ARMCX4: variants seen among roughly 807,000 people sequenced by gnomAD.
ARMCX4 encodes the protein armadillo repeat-containing X-linked protein 4.
ARMCX4 carries 3 observed loss-of-function variants against 34.7 expected under a neutral mutation model. That is an observed-to-expected ratio of 0.09 (90% confidence interval 0.04 to 0.22). ARMCX4 has a LOEUF of 0.22. Ranked by LOEUF, ARMCX4 falls within the 10% of genes least tolerant of loss-of-function variation. ARMCX4 has a pLI of 1.00. For synonymous variants in ARMCX4, 513 were observed against 632.8 expected (o/e 0.81, Z 2.84); for missense variants, 1,448 against 1,720.8 (o/e 0.84, Z 2.81).
chrX:101,442,061 A>G (rs1603125478), intron 2 of ARMCX4, among the ~76,000 whole-genome samples: 1 of 112,309 alleles, frequency 8.9e-6, no homozygotes, highest in African/African-American at 3.2e-5. Flanking sequence ...ATCCAACCCT[A>G]AAAGAGGTAA....
rs1028751045 is a variant in ARMCX4 at position 101,489,281 on chromosome X, T to C, written c.692T>C (p.Val231Ala). 1 of 1,156,023 alleles carries C rather than the reference T, an allele frequency of 8.7e-7. No individual in the cohort carries two copies. The highest frequency in any genetic ancestry group is 3.2e-5 in the East Asian group (1 of 30,791). Residue 231 changes from valine (V) to alanine (A), a missense_variant, in exon 6 of 6, where the codon GTG (valine) becomes GCG (alanine). By Grantham distance (64) the Val-to-Ala change is moderately conservative. Transcript: ENST00000423738. ...KMGATNKTGI[V>A]DETKTRALEE... is the part of the protein sequence containing the mutation. ...GGGGCCACGAACAAGACTGGAATTG[T>C]GGATGAAACCAAGACAAGAGCTCTG...
At chrX:101,421,203 C>CA (rs545262345) in intron 2 of ARMCX4, among the ~76,000 whole-genome samples, 9,075 of 38,886 alleles carry the variant, frequency 0.23, 1,035 homozygotes, top group South Asian at 0.37. Flanking sequence ...AACTCTGTCT[C>CA]AAAAAAAAAA....
intron 2 of ARMCX4, among the ~76,000 whole-genome samples, chrX:101,440,138 C>T (rs782240050): frequency 5.4e-5 from 6 of 111,267 alleles, no homozygotes; most frequent in East Asian, 5.6e-4. Context: ...ATGATGGTGA[C>T]GTACAGATGG....
rs782754615 is a variant in ARMCX4, at chrX:101,494,206, G to A, written c.5617G>A (p.Val1873Ile). The change falls in exon 6 of 6, where the codon GTA becomes ATA. Residue 1873 changes from valine (V) to isoleucine (I), a missense_variant. By Grantham distance (29) the Val-to-Ile change is conservative. This residue lies in a region of ARMCX4 where 1,343 missense variants were observed against 1,540.7 expected (regional missense o/e 0.87). Coordinates refer to ENST00000423738, the MANE Select transcript of ARMCX4 (RefSeq NM_001256155.3). ...GCTTGGGGCTGGGGAAGAGGCTGGT[G>A]TAGAGTCCTGGACCTTGGCTAGGAA... ...SRLGAGEEAGVESWTLARNVG... is the reference protein window; with the variant it reads ...SRLGAGEEAGIESWTLARNVG... The A allele has an allele frequency of 1.2e-4, 139 of 1,149,623 alleles. No homozygotes were observed. The highest frequency in any genetic ancestry group is 1.2e-4 in the Non-Finnish European group (103 of 870,015). The allele number at this position is 1,149,623 out of a possible 1,213,427, so 94.7% of individuals were successfully genotyped here.
At chrX:101,533,732 C>T, downstream of ARMCX4, among the ~76,000 whole-genome samples, 1 of 111,779 alleles carries the variant, frequency 8.9e-6, no homozygotes, top group Admixed American at 9.6e-5. Flanking sequence ...TAACAAGAAG[C>T]CTTTCATGTT....
chrX:101,438,886 C>T (rs1412417357), intron 2 of ARMCX4, among the ~76,000 whole-genome samples: 1 of 111,320 alleles, frequency 9.0e-6, no homozygotes, highest in East Asian at 2.8e-4. Flanking sequence ...GATGGGTTTC[C>T]TGAATACAGC....
At chrX:101,524,215 G>T (rs782396393) in intron 11 of ARMCX4, 1 of 112,082 alleles carries the variant, frequency 8.9e-6, no homozygotes, top group African/African-American at 3.2e-5. Flanking sequence ...TTTGTTGAAA[G>T]ATATAAATTT....
Position 101,488,880 on chromosome X carries a change from C to G in ARMCX4, c.291C>G (p.His97Gln), listed in dbSNP as rs1217372164. 2.6e-6 allele frequency: 3 copies of G among 1,156,120 alleles called. No homozygotes were observed. The Admixed American group carries it at 7.7e-5, about 30-fold the overall frequency. Residue 97 changes from histidine to glutamine, a missense_variant, in exon 6 of 6, where the codon CAC (histidine) becomes CAG (glutamine). His to Gln is a conservative substitution (Grantham distance 24). This residue lies in a region of ARMCX4 where 1,343 missense variants were observed against 1,540.7 expected (regional missense o/e 0.87). Transcript: ENST00000423738. Reference sequence around the variant, plus strand: ...CCAAGGCCACTGCTATAGCCATACACAGAGCCAACTCTCAGGCCAAGGCAA... The same window carrying G: ...CCAAGGCCACTGCTATAGCCATACAGAGAGCCAACTCTCAGGCCAAGGCAA... ...VETKATAIAI[H>Q]RANSQAKAMV...
chrX:101,435,760 G>A (rs368693058), intron 2 of ARMCX4, among the ~76,000 whole-genome samples: 1 of 109,674 alleles, frequency 9.1e-6, no homozygotes, highest in Non-Finnish European at 1.9e-5. Context: ...TTTCTTCTAG[G>A]GTTTTTATGG....
At chrX:101,419,886 C>T (rs1234500520) in intron 2 of ARMCX4, among the ~76,000 whole-genome samples, 1 of 111,845 alleles carries the variant, frequency 8.9e-6, no homozygotes, top group Non-Finnish European at 1.9e-5. Flanking sequence ...TCCTAGTTGT[C>T]TTTGGATTGA....
At chrX:101,454,189 A>T (rs1569322933) in intron 4 of ARMCX4, among the ~76,000 whole-genome samples, 2 of 109,094 alleles carry the variant, frequency 1.8e-5, no homozygotes, top group East Asian at 5.7e-4. Context: ...TTTAACAATC[A>T]GTTCTCTGAA....
At position 101,492,793 on chromosome X, in the gene ARMCX4, T is replaced by TGGGCTG. The variant is rs1556010028; in HGVS notation, c.4212_4217dup (p.Ala1405_Gly1406dup). 5.2e-6 allele frequency: 6 copies of TGGGCTG among 1,152,608 alleles called. No individual in the cohort carries two copies. Among genetic ancestry groups the TGGGCTG allele is most frequent in the Non-Finnish European group, 4.6e-6 (4 of 871,844 alleles). The allele number at this position is 1,152,608 out of a possible 1,213,427, so 95.0% of individuals were successfully genotyped here. On this transcript the variant is annotated inframe_insertion, in exon 6 of 6. Coordinates refer to ENST00000423738, the MANE Select transcript of ARMCX4 (RefSeq NM_001256155.3). ...AAATCAGACCACAGAAGAAGGGTCT[T>TGGGCTG]GGGCTGGGGCTGGTGGCCAGGCTGG...
rs1933885759 is a variant in ARMCX4 at position 101,489,551 on chromosome X, A to T, written c.962A>T (p.Gln321Leu). ...ESGADTRASAQPQIFAKTQTE... is the reference protein window; with the variant it reads ...ESGADTRASALPQIFAKTQTE... ...GGGGCAGACACGAGGGCTTCTGCTC[A>T]GCCTCAAATTTTTGCCAAAACCCAG... is the stretch of plus-strand genomic sequence containing the variant. The change falls in exon 6 of 6, where the codon CAG (glutamine) becomes CTG (leucine). Residue 321 changes from glutamine (Q) to leucine (L), a missense_variant. Coordinates refer to ENST00000423738, the MANE Select transcript of ARMCX4 (RefSeq NM_001256155.3). The T allele has an allele frequency of 8.7e-7, 1 of 1,153,611 alleles. No homozygotes were observed. Among genetic ancestry groups the T allele is most frequent in the African/African-American group, 1.8e-5 (1 of 55,596 alleles).
At chrX:101,433,239 T>C (rs868944124) in intron 2 of ARMCX4, among the ~76,000 whole-genome samples, 2 of 28,279 alleles carry the variant, frequency 7.1e-5, no homozygotes, top group East Asian at 7.9e-4. Context: ...TGTACACATA[T>C]GTATATATAC....
At chrX:101,469,024 T>C (rs957316316) in intron 4 of ARMCX4, among the ~76,000 whole-genome samples, 2 of 112,036 alleles carry the variant, frequency 1.8e-5, no homozygotes, top group Non-Finnish European at 3.8e-5. Flanking sequence ...ACAAGTACTA[T>C]CTATACTAAA....
downstream of ARMCX4, among the ~76,000 whole-genome samples, chrX:101,449,246 C>G (rs1378114863): frequency 8.9e-6 from 1 of 112,188 alleles, no homozygotes; most frequent in Non-Finnish European, 1.9e-5. Flanking sequence ...GATATTGGTA[C>G]CTTCTCTAGG....
At chrX:101,504,503 G>C (rs1176916368) in intron 7 of ARMCX4, among the ~76,000 whole-genome samples, 1 of 110,540 alleles carries the variant, frequency 9.0e-6, no homozygotes, top group Non-Finnish European at 1.9e-5. Context: ...TCAAAACATG[G>C]GACTTAGGGG....
intron 11 of ARMCX4, among the ~76,000 whole-genome samples, chrX:101,515,952 T>A (rs1296703608): frequency 9.0e-6 from 1 of 111,698 alleles, no homozygotes; most frequent in Admixed American, 9.5e-5. Flanking sequence ...AGAGAACTAA[T>A]TCTAAAACCA....
intron 4 of ARMCX4, among the ~76,000 whole-genome samples, chrX:101,457,930 C>T (rs782298120): frequency 1.2e-4 from 13 of 109,717 alleles, no homozygotes; most frequent in East Asian, 5.9e-4. Flanking sequence ...TTAGTAGAGA[C>T]GGGGTTTCAC....
Sources: gnomAD v4.1 joint callset for allele counts (sites outside exome capture counted in the v4.1 genomes callset) on GRCh38, gnomAD v4.1.1 for gene constraint, gnomAD v4.1.1 regional missense constraint, MANE v1.5 for transcripts, NCBI Gene and HGNC (gene_info 2026-07-23, HGNC 2026-07-21) for gene names.